The following DENND2A variants were observed in gnomAD, a reference collection of about 807,000 sequenced individuals.
DENND2A encodes the protein DENN domain-containing protein 2A.
DENND2A carries 53 observed loss-of-function variants against 105.3 expected under a neutral mutation model. That is an observed-to-expected ratio of 0.50 (90% CI 0.40 to 0.63). DENND2A has a LOEUF of 0.63. DENND2A is among the 30% of genes least tolerant of loss of function. The probability of loss-of-function intolerance (pLI) is 0.00; values close to 1 mark genes in which losing one functional copy is unlikely to be tolerated. For synonymous variants in DENND2A, 522 were observed against 508.4 expected, an observed-to-expected ratio of 1.03 and a Z score of -0.36; for missense variants, 1,138 against 1,279.6, an observed-to-expected ratio of 0.89 and a Z score of 1.69.
chr7:140,521,571 G>A (rs1175908115), intron 18 of DENND2A, among the ~76,000 whole-genome samples: 1 of 152,202 alleles, frequency 6.6e-6, no homozygotes, highest in East Asian at 1.9e-4. Context: ...GTCACCCACT[G>A]TGCCCAGCCT....
intron 3 of DENND2A, among the ~76,000 whole-genome samples, chr7:140,592,647 C>T (rs187403957): frequency 1.4e-4 from 21 of 151,082 alleles, no homozygotes; most frequent in East Asian, 7.9e-4. Flanking sequence ...TCGCCCAGGC[C>T]GGAAGGCAGT....
At chr7:140,578,616 C>G (rs1798405353) in intron 5 of DENND2A, among the ~76,000 whole-genome samples, 1 of 152,242 alleles carries the variant, frequency 6.6e-6, no homozygotes, top group Non-Finnish European at 1.5e-5. Flanking sequence ...TGCAGTGGCT[C>G]ACGCCTGTAA....
intron 17 of DENND2A, among the ~76,000 whole-genome samples, chr7:140,522,506 G>A (rs1007892537): frequency 1.3e-5 from 2 of 151,594 alleles, no homozygotes; most frequent in Admixed American, 6.6e-5. Flanking sequence ...TAGAGATGGG[G>A]TTTCACCATG....
intron 14 of DENND2A, among the ~76,000 whole-genome samples, chr7:140,540,844 A>G (rs982500075): frequency 1.3e-5 from 2 of 151,796 alleles, no homozygotes; most frequent in Admixed American, 1.3e-4. Context: ...CAGCCTCCCG[A>G]GTAGCTGGGA....
intron 1 of DENND2A, among the ~76,000 whole-genome samples, chr7:140,615,545 T>C (rs1257734135): frequency 6.6e-6 from 1 of 151,690 alleles, no homozygotes; most frequent in Non-Finnish European, 1.5e-5. Flanking sequence ...TTTTTTTTTT[T>C]TTTCTTTTTT....
At chr7:140,630,384 C>T (rs978806736) in intron 1 of DENND2A, among the ~76,000 whole-genome samples, 3 of 152,158 alleles carry the variant, frequency 2.0e-5, no homozygotes, top group African/African-American at 7.2e-5. Context: ...TGGCAGAACA[C>T]GCGCACTGGC....
Position 140,602,357 on chromosome 7 carries a change from G to T in DENND2A, c.41C>A (p.Ala14Asp). ...FSLDMIISDP[A>D]AEASRAGKKQ... Reference sequence around the variant, plus strand: ...CTTCCCAGCCCTGCTGGCTTCTGCAGCTGGGTCACTGATGATCATATCCAA... The same window carrying T: ...CTTCCCAGCCCTGCTGGCTTCTGCATCTGGGTCACTGATGATCATATCCAA... Residue 14 changes from alanine (A) to aspartate (D), a missense_variant, in exon 3 of 20, where the codon GCT becomes GAT. Ala to Asp is a moderately radical substitution (Grantham distance 126). Transcript: ENST00000496613. 1 of 1,592,116 alleles carries T rather than the reference G, an allele frequency of 6.3e-7. No individual in the cohort carries two copies. The highest frequency in any genetic ancestry group is 8.5e-7 in the Non-Finnish European group (1 of 1,173,364).
At chr7:140,610,290 GAAA>G (rs576801972) in intron 1 of DENND2A, among the ~76,000 whole-genome samples, 2 of 100,268 alleles carry the variant, frequency 2.0e-5, no homozygotes, top group Non-Finnish European at 4.4e-5. Flanking sequence ...TAGTCTTAAG[GAAA>G]AAAAAAAAAA....
chr7:140,536,116 G>C (rs1385328827), intron 14 of DENND2A, among the ~76,000 whole-genome samples: 1 of 152,176 alleles, frequency 6.6e-6, no homozygotes, highest in African/African-American at 2.4e-5. Context: ...ATTGTGGGAG[G>C]CTGAGGCGAG....
At chr7:140,609,015 C>T (rs1799791377) in intron 1 of DENND2A, among the ~76,000 whole-genome samples, 1 of 152,170 alleles carries the variant, frequency 6.6e-6, no homozygotes. Flanking sequence ...CGCAAGAAAT[C>T]AAAGGGCTGG....
intron 6 of DENND2A, among the ~76,000 whole-genome samples, chr7:140,571,349 CG>C (rs2130605605): frequency 6.6e-6 from 1 of 151,950 alleles, no homozygotes; most frequent in Admixed American, 6.6e-5. Context: ...TTAGTAGAGA[CG>C]GGGGTTTCAA....
intron 1 of DENND2A, among the ~76,000 whole-genome samples, chr7:140,614,776 C>A (rs1378030028): frequency 6.6e-6 from 1 of 152,188 alleles, no homozygotes; most frequent in African/African-American, 2.4e-5. Flanking sequence ...AGCACACAAT[C>A]AATGTAATAC....
At chr7:140,579,278 C>A (rs557410888) in intron 5 of DENND2A, among the ~76,000 whole-genome samples, 1 of 151,108 alleles carries the variant, frequency 6.6e-6, no homozygotes, top group Admixed American at 6.6e-5. Flanking sequence ...GGCGACAGAG[C>A]GAGACTCTGT....
intron 9 of DENND2A, among the ~76,000 whole-genome samples, chr7:140,562,485 C>A (rs1797663955): frequency 6.6e-6 from 1 of 151,958 alleles, no homozygotes; most frequent in African/African-American, 2.4e-5. Context: ...CATGGTGAAA[C>A]CCCGTCTCTA....
intron 11 of DENND2A, among the ~76,000 whole-genome samples, chr7:140,557,533 T>TATATATATA (rs1563139334): frequency 1.4e-4 from 2 of 13,990 alleles, no homozygotes; most frequent in African/African-American, 4.2e-4. Flanking sequence ...ATATATATAT[T>TATATATATA]TTTTTTTTTT....
At chr7:140,522,463 G>A (rs1392761915) in intron 17 of DENND2A, among the ~76,000 whole-genome samples, 4 of 151,560 alleles carry the variant, frequency 2.6e-5, no homozygotes, top group Admixed American at 6.6e-5. Context: ...ATGGGCATGC[G>A]CCACCACGCC....
chr7:140,631,704 G>A (rs1239087944), intron 1 of DENND2A, among the ~76,000 whole-genome samples: 1 of 152,184 alleles, frequency 6.6e-6, no homozygotes, highest in Non-Finnish European at 1.5e-5. Flanking sequence ...GTCACCACAA[G>A]ATGCCAGGGA....
chr7:140,536,450 C>T (rs565981894), intron 14 of DENND2A, among the ~76,000 whole-genome samples: 5 of 152,140 alleles, frequency 3.3e-5, no homozygotes, highest in Admixed American at 1.3e-4. Flanking sequence ...GTTTCAAAGC[C>T]AGTGTAGTCT....
In DENND2A at chr7:140,567,284, G is replaced by A. The variant is rs1797879906; in HGVS notation, c.1592-11C>T. On this transcript the variant is annotated splice_polypyrimidine_tract_variant and intron_variant, in intron 8 of 19. Transcript: ENST00000496613. Reference sequence around the variant, plus strand: ...GGCGCTGGCTGTGAGCTGGGTGAGGGAGGGAGAGAGAAAGAGAGAAAGAGA... The same window carrying A: ...GGCGCTGGCTGTGAGCTGGGTGAGGAAGGGAGAGAGAAAGAGAGAAAGAGA... 2 of 1,588,852 alleles carry A rather than the reference G, an allele frequency of 1.3e-6. No homozygotes were observed. The highest frequency in any genetic ancestry group is 1.4e-5 in the African/African-American group (1 of 72,098).
Sources: gnomAD v4.1 joint callset for allele counts (sites outside exome capture counted in the v4.1 genomes callset) on GRCh38, gnomAD v4.1.1 for gene constraint, MANE v1.5 for transcripts, NCBI Gene and HGNC (gene_info 2026-07-23, HGNC 2026-07-21) for gene names.